Variants in CEP152 observed in about 807,000 individuals in gnomAD.
CEP152 encodes the protein centrosomal protein 152.
Under a neutral mutation model 188.9 loss-of-function variants are expected in CEP152, and 132 were observed. The observed-to-expected ratio is 0.70, with a 90% confidence interval of 0.61 to 0.81. The LOEUF (loss-of-function observed/expected upper bound fraction) is 0.81. Ranked by LOEUF, CEP152 falls within the 30% of genes least tolerant of loss-of-function variation. CEP152 has a pLI of 0.00. For missense variants in CEP152, 1,914 were observed against 1,969.8 expected (o/e 0.97, Z 0.54); for synonymous variants, 649 against 666.6 (o/e 0.97, Z 0.41).
intron 2 of CEP152, among the ~76,000 whole-genome samples, chr15:48,798,892 C>A (rs2140912027): frequency 6.6e-6 from 1 of 151,016 alleles, no homozygotes; most frequent in African/African-American, 2.4e-5. Context: ...TAACTGTCTG[C>A]TATTGTCTTT....
downstream of CEP152, among the ~76,000 whole-genome samples, chr15:48,734,067 G>C (rs1308639690): frequency 6.6e-6 from 1 of 151,992 alleles, no homozygotes; most frequent in African/African-American, 2.4e-5. Flanking sequence ...TGGGAACAAA[G>C]AAAGAGCAGC....
At chr15:48,731,831 C>G (rs1459969814) in intron 2 of CEP152, among the ~76,000 whole-genome samples, 1 of 151,912 alleles carries the variant, frequency 6.6e-6, no homozygotes, top group Non-Finnish European at 1.5e-5. Flanking sequence ...ACTTAAACAA[C>G]CCCAACAAGA....
intron 22 of CEP152, among the ~76,000 whole-genome samples, chr15:48,745,612 AG>A (rs1893346679): frequency 6.6e-6 from 1 of 152,120 alleles, no homozygotes; most frequent in Non-Finnish European, 1.5e-5. Context: ...TTTTGGGGGC[AG>A]GGGGTGGATC....
chr15:48,788,616 A>ATTACAGGCGGG (rs1896815594), intron 9 of CEP152, among the ~76,000 whole-genome samples, 185 bp downstream of exon 9: 1 of 151,736 alleles, frequency 6.6e-6, no homozygotes, highest in Non-Finnish European at 1.5e-5. Flanking sequence ...AAGTACTGGG[A>ATTACAGGCGGG]TTACAGGCGT....
At chr15:48,757,206 A>G (rs1305601556) in intron 19 of CEP152, among the ~76,000 whole-genome samples, 3 of 152,214 alleles carry the variant, frequency 2.0e-5, no homozygotes, top group Non-Finnish European at 2.9e-5. Flanking sequence ...AGCCTAGCAC[A>G]GATGCTTAAC....
chr15:48,810,175 G>C (rs1898237821), intron 1 of CEP152: 1 of 152,142 alleles, frequency 6.6e-6, no homozygotes, highest in African/African-American at 2.4e-5. Context: ...CCCCACAAAA[G>C]GGGTTTCTAA....
intron 2 of CEP152, among the ~76,000 whole-genome samples, chr15:48,799,457 C>A (rs746595970): frequency 1.3e-5 from 2 of 151,936 alleles, no homozygotes; most frequent in African/African-American, 2.4e-5. Context: ...ATATTTATTT[C>A]TCATATTCAC....
chr15:48,747,748 G>A (rs566324406), intron 22 of CEP152, among the ~76,000 whole-genome samples: 1 of 152,300 alleles, frequency 6.6e-6, no homozygotes, highest in South Asian at 2.1e-4. Context: ...GGCTATAAGC[G>A]ATAGTGAAAG....
chr15:48,766,962 C>A, intron 17 of CEP152, 98 bp downstream of exon 17: 1 of 1,478,790 alleles, frequency 6.8e-7, no homozygotes, highest in Non-Finnish European at 9.3e-7. Context: ...TGAATACCTT[C>A]TCCATTCACT....
At position 48,752,484 on chromosome 15, in the gene CEP152, C is replaced by T; in HGVS notation, c.3346-15G>A. 6.2e-7 allele frequency: 1 copy of T among 1,612,654 alleles called. No individual in the cohort carries two copies. The highest frequency in any genetic ancestry group is 8.5e-7 in the Non-Finnish European group (1 of 1,179,932). Reference sequence around the variant, plus strand: ...GCCATATTTCTCTGAAATAAAGTATCTTCAAAGTTAATGCTTAGTAAAAAT... The same window carrying T: ...GCCATATTTCTCTGAAATAAAGTATTTTCAAAGTTAATGCTTAGTAAAAAT... On this transcript the variant is annotated splice_polypyrimidine_tract_variant and intron_variant, in intron 20 of 26. Coordinates refer to ENST00000380950, the MANE Select transcript of CEP152 (RefSeq NM_001194998.2).
At chr15:48,779,345 C>T (rs1007911153) in intron 12 of CEP152, among the ~76,000 whole-genome samples, 9 of 152,164 alleles carry the variant, frequency 5.9e-5, no homozygotes, top group African/African-American at 2.2e-4. Context: ...TCTGGTTTTT[C>T]CAACTCTCAC....
At chr15:48,752,294 T>A (rs1893927696) in intron 21 of CEP152, 55 bp downstream of exon 21, 1 of 1,613,668 alleles carries the variant, frequency 6.2e-7, no homozygotes, top group African/African-American at 1.3e-5. Context: ...AAAGCAACCC[T>A]TCAGATGGGT....
intron 12 of CEP152, among the ~76,000 whole-genome samples, chr15:48,778,233 T>C (rs917294829): frequency 1.3e-5 from 2 of 152,190 alleles, no homozygotes; most frequent in African/African-American, 2.4e-5. Context: ...TAGTTGGTAA[T>C]AAAAGCTTGT....
intron 2 of CEP152, among the ~76,000 whole-genome samples, chr15:48,730,455 C>G (rs1205535243): frequency 6.6e-6 from 1 of 152,146 alleles, no homozygotes; most frequent in East Asian, 1.9e-4. Flanking sequence ...CATATCTCTG[C>G]TGGAGTGGGA....
intron 2 of CEP152, among the ~76,000 whole-genome samples, chr15:48,800,777 C>T (rs1897621677): frequency 6.6e-6 from 1 of 152,132 alleles, no homozygotes; most frequent in East Asian, 1.9e-4. Flanking sequence ...ATTTGCCACT[C>T]TAAGGCTTCA....
chr15:48,754,963 G>C (rs1168590257), intron 20 of CEP152, among the ~76,000 whole-genome samples: 1 of 151,206 alleles, frequency 6.6e-6, no homozygotes, highest in African/African-American at 2.4e-5. Flanking sequence ...ACAATATTTT[G>C]ATGGAACTTC....
chr15:48,732,731 C>A (rs1451058414), intron 2 of CEP152, among the ~76,000 whole-genome samples: 1 of 151,226 alleles, frequency 6.6e-6, no homozygotes, highest in East Asian at 1.9e-4. Flanking sequence ...AAAAGTCATG[C>A]TTTTAATTCT....
In CEP152 at chr15:48,756,318, TG is replaced by T. The variant is rs749901317; in HGVS notation, c.2929del (p.Gln977LysfsTer7). The T allele has an allele frequency of 7.6e-6, 12 of 1,575,282 alleles. No homozygotes were observed. Among genetic ancestry groups the T allele is most frequent in the Non-Finnish European group, 1.0e-5 (12 of 1,164,332 alleles). On this transcript the variant is annotated frameshift_variant, in exon 20 of 27. Transcript: ENST00000380950. LOFTEE classifies it high-confidence loss of function. ...EIHRIQEQNE[Q>X]DYRQFLDDHR... ...ATCATCTAAAAATTGCCGGTAATCT[TG>T]CTCATTTTGTTCTTGGATTCTGTGG...
At chr15:48,751,508 A>C (rs1314476884) in intron 21 of CEP152, among the ~76,000 whole-genome samples, 1 of 152,210 alleles carries the variant, frequency 6.6e-6, no homozygotes, top group Non-Finnish European at 1.5e-5. Flanking sequence ...AGATTCTCTA[A>C]GATTCTGGTA....
Sources: gnomAD v4.1 joint callset for allele counts (sites outside exome capture counted in the v4.1 genomes callset) on GRCh38, gnomAD v4.1.1 for gene constraint, MANE v1.5 for transcripts, NCBI Gene and HGNC (gene_info 2026-07-23, HGNC 2026-07-21) for gene names.